IFT43: variants seen among roughly 807,000 people sequenced by gnomAD.
IFT43 encodes the protein intraflagellar transport 43.
Under a neutral mutation model 32.3 loss-of-function variants are expected in IFT43, and 33 were observed. That is an observed-to-expected ratio of 1.02 (90% confidence interval 0.77 to 1.37). The LOEUF (loss-of-function observed/expected upper bound fraction) is 1.37, where lower values mean the gene tolerates loss of function less well. IFT43 is among the 40% of genes most tolerant of loss of function. IFT43 has a pLI of 0.00. For synonymous variants in IFT43, 93 were observed against 98.2 expected, an observed-to-expected ratio of 0.95 and a Z score of 0.31; for missense variants, 274 against 265.9, an observed-to-expected ratio of 1.03 and a Z score of -0.21.
At chr14:76,038,092 G>A (rs764747592) in intron 3 of IFT43, 17 of 152,288 alleles carry the variant, frequency 1.1e-4, no homozygotes, top group African/African-American at 2.2e-4. Flanking sequence ...CAAAGAACCC[G>A]GAATCAGTAT....
chr14:76,076,613 A>G, intron 5 of IFT43: 1 of 1,614,198 alleles, frequency 6.2e-7, no homozygotes, highest in Non-Finnish European at 8.5e-7. Context: ...CCAAACAGGC[A>G]AACAACAGCT....
chr14:75,995,920 G>T (rs532973268), intron 2 of IFT43, among the ~76,000 whole-genome samples: 1 of 152,290 alleles, frequency 6.6e-6, no homozygotes, highest in Non-Finnish European at 1.5e-5. Flanking sequence ...GTGTGCAGAT[G>T]TGCATCGCTG....
intron 5 of IFT43, among the ~76,000 whole-genome samples, chr14:76,073,400 G>A (rs564334010): frequency 3.9e-5 from 6 of 152,296 alleles, no homozygotes; most frequent in Non-Finnish European, 8.8e-5. Context: ...CATCACACAT[G>A]GAGATAAGTT....
chr14:76,036,685 G>A (rs544679322), intron 3 of IFT43, among the ~76,000 whole-genome samples: 26 of 152,244 alleles, frequency 1.7e-4, no homozygotes, highest in African/African-American at 5.5e-4. Flanking sequence ...GATTACAGGC[G>A]TGAGCCACCA....
chr14:76,051,080 T>C (rs1476402628), intron 3 of IFT43, among the ~76,000 whole-genome samples: 13 of 151,662 alleles, frequency 8.6e-5, no homozygotes, highest in African/African-American at 2.9e-4. Flanking sequence ...TTTATCAGTC[T>C]ACCAGACATC....
intron 3 of IFT43, among the ~76,000 whole-genome samples, chr14:76,049,247 G>A (rs890764516): frequency 2.6e-5 from 4 of 152,098 alleles, no homozygotes; most frequent in Admixed American, 1.3e-4. Flanking sequence ...CCCAAGATTC[G>A]TGTCTAGTCC....
intron 2 of IFT43, chr14:76,013,750 C>T: frequency 2.9e-6 from 1 of 341,794 alleles, no homozygotes; most frequent in East Asian, 7.0e-5. Context: ...TTCGTAACAT[C>T]CAGGTTTGAG....
chr14:76,039,890 C>T (rs1467195398), intron 3 of IFT43, among the ~76,000 whole-genome samples: 1 of 152,162 alleles, frequency 6.6e-6, no homozygotes, highest in African/African-American at 2.4e-5. Flanking sequence ...GCATTCTGCA[C>T]TTTTAAAAAA....
In IFT43 at chr14:76,058,625, T is replaced by C; in HGVS notation, c.216-17T>C. The C allele has an allele frequency of 6.3e-7, 1 of 1,591,282 alleles. No individual in the cohort carries two copies. Among genetic ancestry groups the C allele is most frequent in the Non-Finnish European group, 8.5e-7 (1 of 1,171,626 alleles). Reference sequence around the variant, plus strand: ...AGTGGGCTCTCAAAAACCTTGTCTTTTCTTTTTTTTTTTCAGGTTTAGGAG... The same window carrying C: ...AGTGGGCTCTCAAAAACCTTGTCTTCTCTTTTTTTTTTTCAGGTTTAGGAG... On this transcript the variant is annotated splice_polypyrimidine_tract_variant and intron_variant, in intron 3 of 8. Transcript: ENST00000314067.
chr14:76,078,497 T>A (rs1324744226), intron 5 of IFT43, among the ~76,000 whole-genome samples: 1 of 152,172 alleles, frequency 6.6e-6, no homozygotes, highest in Non-Finnish European at 1.5e-5. Context: ...ACCTTTCACA[T>A]AGTGGGTGTT....
At chr14:76,036,126 TA>T (rs2036593369) in intron 3 of IFT43, among the ~76,000 whole-genome samples, 1 of 152,226 alleles carries the variant, frequency 6.6e-6, no homozygotes, top group African/African-American at 2.4e-5. Flanking sequence ...AGATAATTTT[TA>T]TTAATTGATA....
At chr14:76,004,978 A>G (rs567196992) in intron 2 of IFT43, among the ~76,000 whole-genome samples, 3 of 151,978 alleles carry the variant, frequency 2.0e-5, no homozygotes, top group Non-Finnish European at 2.9e-5. Context: ...ATCTTTTCCC[A>G]TAAGTCCTTG....
intron 2 of IFT43, among the ~76,000 whole-genome samples, chr14:76,018,916 G>GTGAAGTAAGTTTCTTA (rs2036239410): frequency 6.6e-6 from 1 of 151,920 alleles, no homozygotes; most frequent in Non-Finnish European, 1.5e-5. Flanking sequence ...GTCTTTATAA[G>GTGAAGTAAGTTTCTTA]TGAAGTAAGT....
intron 2 of IFT43, among the ~76,000 whole-genome samples, chr14:76,018,377 TG>T (rs1326383125): frequency 1.3e-5 from 2 of 152,184 alleles, no homozygotes; most frequent in African/African-American, 4.8e-5. Context: ...CTCTTGTTAT[TG>T]ATTTCTAGTT....
intron 2 of IFT43, among the ~76,000 whole-genome samples, chr14:76,003,353 T>C (rs1207551989): frequency 6.6e-6 from 1 of 152,170 alleles, no homozygotes; most frequent in Non-Finnish European, 1.5e-5. Flanking sequence ...CCGGGTTTGG[T>C]GGCTCACTCC....
At chr14:75,996,968 C>T (rs1334515448) in intron 2 of IFT43, among the ~76,000 whole-genome samples, 2 of 152,124 alleles carry the variant, frequency 1.3e-5, no homozygotes, top group Non-Finnish European at 2.9e-5. Context: ...GATTTAGGGG[C>T]TTGCAGAGAA....
chr14:76,004,489 T>C (rs2035946560), intron 2 of IFT43, among the ~76,000 whole-genome samples: 1 of 152,240 alleles, frequency 6.6e-6, no homozygotes, highest in Admixed American at 6.5e-5. Flanking sequence ...TTGACTATGA[T>C]GTGACTGTGT....
chr14:76,057,058 T>A (rs1169432009), intron 3 of IFT43, among the ~76,000 whole-genome samples: 1 of 152,102 alleles, frequency 6.6e-6, no homozygotes, highest in Non-Finnish European at 1.5e-5. Context: ...CCTGGGAGAT[T>A]CCCTTAGAGT....
intron 5 of IFT43, among the ~76,000 whole-genome samples, chr14:76,080,077 G>A (rs146000221): frequency 1.3e-5 from 2 of 152,306 alleles, no homozygotes; most frequent in African/African-American, 4.8e-5. Context: ...AACCTGCTCT[G>A]CAGACACCTG....
Sources: gnomAD v4.1 joint callset for allele counts (sites outside exome capture counted in the v4.1 genomes callset) on GRCh38, gnomAD v4.1.1 for gene constraint, MANE v1.5 for transcripts, NCBI Gene and HGNC (gene_info 2026-07-23, HGNC 2026-07-21) for gene names.